PC: variants seen among roughly 807,000 people sequenced by gnomAD.
PC encodes the protein pyruvate carboxylase, mitochondrial.
A neutral mutation model predicts 107.8 loss-of-function variants in PC; 46 were observed. The observed-to-expected ratio is 0.43, with a 90% CI of 0.34 to 0.55. The LOEUF is 0.55. Among genes scored for constraint, PC ranks in the 20% least tolerant of loss-of-function variants. The pLI is 0.04. For synonymous variants in PC, 662 were observed against 684.7 expected, an observed-to-expected ratio of 0.97 and a Z score of 0.52; for missense variants, 1,241 against 1,643.1, an observed-to-expected ratio of 0.76 and a Z score of 4.23.
Position 66,857,694 on chromosome 11 carries a change from G to A in PC, c.1369-4311C>T, listed in dbSNP as rs756810881. Reference sequence around the variant, plus strand: ...GTCCTGGGCCCAAGTGGGCACCTGCGCCAGCCCCACCTGTGCCTGGGCTGT... The same window carrying A: ...GTCCTGGGCCCAAGTGGGCACCTGCACCAGCCCCACCTGTGCCTGGGCTGT... On this transcript the variant is annotated intron_variant, in intron 12 of 22. Coordinates refer to ENST00000393960, the MANE Select transcript of PC (RefSeq NM_001040716.2). The surrounding 1 kb of genome is among the most constrained non-coding windows in gnomAD (Gnocchi z 7.1). 3.9e-6 allele frequency: 6 copies of A among 1,535,120 alleles called. No individual in the cohort carries two copies. The South Asian group carries it at 4.9e-5, about 12-fold the overall frequency.
chr11:66,920,219 A>C (rs1210962084), intron 3 of PC, among the ~76,000 whole-genome samples: 1 of 152,108 alleles, frequency 6.6e-6, no homozygotes, highest in African/African-American at 2.4e-5. Flanking sequence ...AACACGATGA[A>C]TCCAGCTGGC....
intron 3 of PC, among the ~76,000 whole-genome samples, chr11:66,880,305 G>A (rs759652566): frequency 1.3e-5 from 2 of 152,188 alleles, no homozygotes; most frequent in South Asian, 2.1e-4. Flanking sequence ...CCGACTCTGG[G>A]TATGCTGAGC....
chr11:66,949,370 T>C (rs1026459806), intron 3 of PC, among the ~76,000 whole-genome samples: 1 of 152,134 alleles, frequency 6.6e-6, no homozygotes, highest in East Asian at 1.9e-4. Flanking sequence ...AGAAGTTTCA[T>C]CAAATTTGCA....
In PC at chr11:66,868,953, C is replaced by T. The variant is rs1190455665; in HGVS notation, c.915G>A (p.Glu305=). ...CCAGGAACTCCACGGTGCCTGCGTT[C>T]TCGTAGCCCACCTGTGGGGGCGGCC... ...SVKLAKQVGY[E]NAGTVEFLVD... Residue 305 remains glutamate (E), a synonymous_variant, in exon 10 of 23, where the codon GAG becomes GAA. Transcript: ENST00000393960. 1 of 1,613,612 alleles carries T rather than the reference C, an allele frequency of 6.2e-7. No homozygotes were observed. The highest frequency in any genetic ancestry group is 1.1e-5 in the South Asian group (1 of 91,076).
intron 3 of PC, among the ~76,000 whole-genome samples, chr11:66,951,536 A>G (rs992773620): frequency 6.6e-6 from 1 of 152,158 alleles, no homozygotes; most frequent in African/African-American, 2.4e-5. Flanking sequence ...AGGGCGGATC[A>G]CCTGAGGTCA....
intron 3 of PC, among the ~76,000 whole-genome samples, chr11:66,911,732 A>T (rs1320384303): frequency 6.6e-6 from 1 of 152,196 alleles, no homozygotes; most frequent in Non-Finnish European, 1.5e-5. Context: ...CAAATTTAGC[A>T]AAAGAAATCC....
chr11:66,922,637 T>C (rs180991082), intron 3 of PC, among the ~76,000 whole-genome samples: 3 of 144,882 alleles, frequency 2.1e-5, no homozygotes, highest in Non-Finnish European at 4.5e-5. Context: ...CTTCCAGAGG[T>C]GCATCAGGGA....
chr11:66,882,819 G>C (rs1166172460), intron 3 of PC, among the ~76,000 whole-genome samples: 1 of 152,218 alleles, frequency 6.6e-6, no homozygotes, highest in Non-Finnish European at 1.5e-5. Context: ...AGGGCTGGCA[G>C]CCAAGAGGGA....
In PC at chr11:66,852,742, C is replaced by T. The variant is rs1237794623; in HGVS notation, c.1603+5G>A. Reference sequence around the variant, plus strand: ...CCATGAGTTGACAGAATGGATCTCACCTACCTATGGGCACTGCAGGGACAA... The same window carrying T: ...CCATGAGTTGACAGAATGGATCTCATCTACCTATGGGCACTGCAGGGACAA... On this transcript the variant is annotated splice_donor_5th_base_variant and intron_variant, in intron 14 of 22. Coordinates refer to ENST00000393960, the MANE Select transcript of PC (RefSeq NM_001040716.2). This position sits in a 1 kb window ranked among gnomAD's most constrained non-coding sequence, Gnocchi z 4.7. The T allele has an allele frequency of 2.5e-6, 4 of 1,610,346 alleles. No homozygotes were observed. Among genetic ancestry groups the T allele is most frequent in the Non-Finnish European group, 3.4e-6 (4 of 1,177,320 alleles).
intron 3 of PC, among the ~76,000 whole-genome samples, chr11:66,896,680 C>T (rs1187048989): frequency 3.9e-5 from 6 of 152,182 alleles, no homozygotes; most frequent in South Asian, 2.1e-4. Flanking sequence ...CGAACCTGAC[C>T]GCAAGACACG....
chr11:66,937,220 A>G (rs1949021627), intron 3 of PC, among the ~76,000 whole-genome samples: 1 of 152,184 alleles, frequency 6.6e-6, no homozygotes, highest in Admixed American at 6.5e-5. Context: ...CTGTCCCTGA[A>G]GACAAAGAGG....
Position 66,850,883 on chromosome 11 carries a change from A to G in PC, c.2264T>C (p.Leu755Pro). The stretch of plus-strand genomic sequence containing the variant: ...GAAGCGGTCCCGGAGGGAGCTGACC[A>G]GCATGGTGCAGGCCGTGGGCTTCAG... ...GLLKPTACTM[L>P]VSSLRDRFPD... Residue 755 changes from leucine to proline, a missense_variant, in exon 18 of 23, where the codon CTG (leucine) becomes CCG (proline). Leu to Pro is a moderately conservative substitution (Grantham distance 98, BLOSUM62 -3). Around this residue, in one of 2 missense-constraint regions of PC, gnomAD observed 1,143 missense variants for 1,551.9 expected, o/e 0.74. Coordinates refer to ENST00000393960, the MANE Select transcript of PC (RefSeq NM_001040716.2). 1.2e-6 allele frequency: 2 copies of G among 1,611,028 alleles called. No individual in the cohort carries two copies. Among genetic ancestry groups the G allele is most frequent in the Non-Finnish European group, 1.7e-6 (2 of 1,179,980 alleles).
chr11:66,895,622 T>A (rs890391172), intron 3 of PC, among the ~76,000 whole-genome samples: 1 of 151,386 alleles, frequency 6.6e-6, no homozygotes, highest in African/African-American at 2.4e-5. Flanking sequence ...AAAAATACAA[T>A]AAGACAAAGC....
intron 1 of PC, among the ~76,000 whole-genome samples, chr11:66,956,744 G>A (rs1949569589): frequency 6.6e-6 from 1 of 152,096 alleles, no homozygotes; most frequent in Non-Finnish European, 1.5e-5. Context: ...CCCCTTCCAG[G>A]CCATTTCTCC....
At chr11:66,918,941 A>G (rs538617813) in intron 3 of PC, among the ~76,000 whole-genome samples, 1 of 152,204 alleles carries the variant, frequency 6.6e-6, no homozygotes, top group East Asian at 1.9e-4. Flanking sequence ...CTAATAGGGC[A>G]GCTCAGAGAG....
rs1946059702 is a variant in PC at position 66,858,917 on chromosome 11, C to A, written c.1368+4857G>T. The A allele has an allele frequency of 6.4e-7, 1 of 1,569,514 alleles. No individual in the cohort carries two copies. The highest frequency in any genetic ancestry group is 8.7e-7 in the Non-Finnish European group (1 of 1,155,804). On this transcript the variant is annotated intron_variant, in intron 12 of 22. Transcript: ENST00000393960. This position sits in a 1 kb window ranked among gnomAD's most constrained non-coding sequence, Gnocchi z 5.9. ...GCCCCGGGCCCTCGGACATCGCCGCCTCCGCTCGCACTGCTGCCGAGGGTG... is the reference window on the plus strand; with the variant it reads ...GCCCCGGGCCCTCGGACATCGCCGCATCCGCTCGCACTGCTGCCGAGGGTG...
At chr11:66,885,994 C>T (rs1947345318) in intron 3 of PC, among the ~76,000 whole-genome samples, 1 of 152,224 alleles carries the variant, frequency 6.6e-6, no homozygotes, top group Non-Finnish European at 1.5e-5. Context: ...CTGATGCAGG[C>T]CACAGCGGTG....
At chr11:66,911,117 A>G (rs1948323546) in intron 3 of PC, among the ~76,000 whole-genome samples, 1 of 152,218 alleles carries the variant, frequency 6.6e-6, no homozygotes, top group African/African-American at 2.4e-5. Context: ...AATGACCCCA[A>G]TGGTCAGCCC....
intron 3 of PC, among the ~76,000 whole-genome samples, chr11:66,900,178 G>GTTTTTTTT (rs71045968): frequency 2.8e-5 from 3 of 107,434 alleles, no homozygotes; most frequent in African/African-American, 3.7e-5. Flanking sequence ...CTCCAACGTT[G>GTTTTTTTT]TTTTTTTTTT....
Sources: gnomAD v4.1 joint callset for allele counts (sites outside exome capture counted in the v4.1 genomes callset) on GRCh38, gnomAD v4.1.1 for gene constraint, gnomAD v4.1.1 regional missense constraint, Gnocchi (gnomAD v3.1) non-coding constraint, MANE v1.5 for transcripts, NCBI Gene and HGNC (gene_info 2026-07-23, HGNC 2026-07-21) for gene names.